Variants in NTN1 observed in about 807,000 individuals in gnomAD.
NTN1 encodes netrin 1, also known as netrin-1.
A neutral mutation model predicts 54.2 loss-of-function variants in NTN1; 11 were observed. The observed-to-expected ratio is 0.20, with a 90% CI of 0.13 to 0.34. The LOEUF is 0.34. NTN1 is among the 10% of genes least tolerant of loss of function. The pLI is 1.00. For missense variants in NTN1, 740 were observed against 893.1 expected, an observed-to-expected ratio of 0.83 and a Z score of 2.18; for synonymous variants, 371 against 382.0, an observed-to-expected ratio of 0.97 and a Z score of 0.33.
chr17:9,183,302 C>T, intron 5 of NTN1: 1 of 572,580 alleles, frequency 1.7e-6, no homozygotes, highest in Non-Finnish European at 3.4e-6. Context: ...CTTCCTGGGG[C>T]TGCAGAGAAG....
Position 9,221,232 on chromosome 17 carries a change from G to C in NTN1, c.1476G>C (p.Lys492Asn). ...AGATTAACATGAAAAAGTACTGCAA[G>C]AAGGACTATGGTGAGTGAGAGTCCC... ...KLKINMKKYCKKDYAVQIHIL... is the reference protein window; with the variant it reads ...KLKINMKKYCNKDYAVQIHIL... The change falls in exon 6 of 7, where the codon AAG becomes AAC. Residue 492 changes from lysine (K) to asparagine (N), a missense_variant. Transcript: ENST00000173229. This position sits in a 1 kb window ranked among gnomAD's most constrained non-coding sequence, Gnocchi z 4.5. 6.2e-7 allele frequency: 1 copy of C among 1,609,866 alleles called. No homozygotes were observed. The highest frequency in any genetic ancestry group is 8.5e-7 in the Non-Finnish European group (1 of 1,178,692).
chr17:9,011,959 G>A, the NTN1 span, among the ~76,000 whole-genome samples: 5 of 152,122 alleles, frequency 3.3e-5, no homozygotes, highest in African/African-American at 1.2e-4. Flanking sequence ...GTGGTCTTTA[G>A]TCAATTAATT....
chr17:9,135,142 C>T lies in NTN1; in HGVS notation c.1019-27671C>T, dbSNP rs2092277178. Among the ~76,000 whole-genome samples the T allele has an allele frequency of 6.6e-6, 1 of 152,138 alleles. No individual in the cohort carries two copies. Among genetic ancestry groups the T allele is most frequent in the Non-Finnish European group, 1.5e-5 (1 of 68,028 alleles). On this transcript the variant is annotated intron_variant, in intron 2 of 6. Coordinates refer to ENST00000173229, the MANE Select transcript of NTN1 (RefSeq NM_004822.3). The surrounding 1 kb of genome is among the most constrained non-coding windows in gnomAD (Gnocchi z 4.4). ...TCCCCCAGCCCCTGATGCTCCCGGC[C>T]CATCCTCCCTTCTCTACCCCATTCC...
chr17:9,202,920 T>C (rs1356443609), intron 5 of NTN1, among the ~76,000 whole-genome samples: 1 of 152,082 alleles, frequency 6.6e-6, no homozygotes, highest in Non-Finnish European at 1.5e-5. Flanking sequence ...TTTTCTTATT[T>C]TTTTATTTTT....
At chr17:9,234,076 T>G (rs1905900198) in intron 6 of NTN1, among the ~76,000 whole-genome samples, 1 of 152,192 alleles carries the variant, frequency 6.6e-6, no homozygotes, top group African/African-American at 2.4e-5. Flanking sequence ...AGCCCCTTTC[T>G]TGCCTCCTCG....
At chr17:9,132,726 T>C (rs981558223) in intron 2 of NTN1, among the ~76,000 whole-genome samples, 3 of 151,986 alleles carry the variant, frequency 2.0e-5, no homozygotes, top group Non-Finnish European at 1.5e-5. Flanking sequence ...AACACAAAAT[T>C]AGCCAGGTGC....
chr17:9,112,490 C>T (rs1001284506), intron 2 of NTN1, among the ~76,000 whole-genome samples: 1 of 152,052 alleles, frequency 6.6e-6, no homozygotes, highest in East Asian at 1.9e-4. Flanking sequence ...GTTGTCTGCT[C>T]GGTGCCACGA....
intron 5 of NTN1, among the ~76,000 whole-genome samples, chr17:9,220,567 G>A (rs2142355416): frequency 6.6e-6 from 1 of 152,262 alleles, no homozygotes; most frequent in Non-Finnish European, 1.5e-5. Flanking sequence ...ATACCCAGTG[G>A]ACGCAGGCCT....
At chr17:9,076,259 C>T (rs2092049173) in intron 2 of NTN1, among the ~76,000 whole-genome samples, 1 of 152,214 alleles carries the variant, frequency 6.6e-6, no homozygotes. Flanking sequence ...GTCCTCCATC[C>T]TCCATCCACA....
intron 2 of NTN1, among the ~76,000 whole-genome samples, chr17:9,039,944 G>A (rs1274715186): frequency 2.6e-5 from 4 of 152,184 alleles, no homozygotes; most frequent in Admixed American, 2.6e-4. Context: ...AAGCAGCTAT[G>A]AACATTCTTT....
intron 2 of NTN1, among the ~76,000 whole-genome samples, chr17:9,028,098 C>T (rs1000379498): frequency 2.6e-5 from 4 of 152,026 alleles, no homozygotes; most frequent in Non-Finnish European, 5.9e-5. Context: ...GTACTCCAGC[C>T]CTAGTGACAG....
At chr17:9,193,920 TA>T (rs71361871) in intron 5 of NTN1, among the ~76,000 whole-genome samples, 22 of 44,900 alleles carry the variant, frequency 4.9e-4, no homozygotes, top group East Asian at 5.8e-4. Flanking sequence ...AAACTCCGAC[TA>T]AAAAAAAAAA....
rs1906122739 is a variant in NTN1, at chr17:9,239,785, C to T, written c.1632C>T (p.Cys544=). 3 of 1,613,786 alleles carry T rather than the reference C, an allele frequency of 1.9e-6. No individual in the cohort carries two copies. In the African/African-American group the frequency reaches 4.0e-5, roughly 22 times the overall value. ...GGATCCGCTCGCGGGACATCGCCTG[C>T]AAGTGTCCCAAAATCAAGCCCCTCA... ...SLWIRSRDIA[C]KCPKIKPLKK... is the part of the protein sequence containing the mutation. Residue 544 remains cysteine, a synonymous_variant, in exon 7 of 7, where the codon TGC becomes TGT. Transcript: ENST00000173229. The surrounding 1 kb of genome is among the most constrained non-coding windows in gnomAD (Gnocchi z 5.2).
chr17:9,153,432 G>A (rs1204969302), intron 2 of NTN1, among the ~76,000 whole-genome samples: 1 of 152,178 alleles, frequency 6.6e-6, no homozygotes, highest in Admixed American at 6.5e-5. Flanking sequence ...CTGGGCAACA[G>A]AACAAGACTC....
chr17:9,192,153 A>G (rs2142328638), intron 5 of NTN1, among the ~76,000 whole-genome samples: 1 of 152,292 alleles, frequency 6.6e-6, no homozygotes, highest in South Asian at 2.1e-4. Context: ...GGTATCCATG[A>G]CCCCATCAGT....
rs1374140134 is a variant in NTN1 at position 9,100,367 on chromosome 17, G to A, written c.1019-62446G>A. Among the ~76,000 whole-genome samples the A allele has an allele frequency of 2.6e-5, 4 of 152,008 alleles. No homozygotes were observed. The East Asian group carries it at 5.8e-4, about 22-fold the overall frequency. ...GGCTGGAGTGCAGTGGCACGATCTC[G>A]GCTCACTCCAAGCTCCACCTCCCAG... On this transcript the variant is annotated intron_variant, in intron 2 of 6. Coordinates refer to ENST00000173229, the MANE Select transcript of NTN1 (RefSeq NM_004822.3).
chr17:9,193,179 T>C (rs1187657514), intron 5 of NTN1, among the ~76,000 whole-genome samples: 1 of 152,110 alleles, frequency 6.6e-6, no homozygotes, highest in Non-Finnish European at 1.5e-5. Context: ...TTTATGTGCC[T>C]GGTCATTTTT....
At chr17:9,042,499 A>T (rs1036636315) in intron 2 of NTN1, among the ~76,000 whole-genome samples, 1 of 21,670 alleles carries the variant, frequency 4.6e-5, no homozygotes, top group Admixed American at 7.8e-4. Context: ...AAAAAAAAAA[A>T]AACTGTGAGG....
At chr17:9,070,049 T>A (rs2142214521) in intron 2 of NTN1, among the ~76,000 whole-genome samples, 1 of 152,302 alleles carries the variant, frequency 6.6e-6, no homozygotes, top group South Asian at 2.1e-4. Flanking sequence ...ACCCGCCTTC[T>A]TCTTCGTAGG....
Sources: gnomAD v4.1 joint callset for allele counts (sites outside exome capture counted in the v4.1 genomes callset) on GRCh38, gnomAD v4.1.1 for gene constraint, Gnocchi (gnomAD v3.1) non-coding constraint, MANE v1.5 for transcripts, NCBI Gene and HGNC (gene_info 2026-07-23, HGNC 2026-07-21) for gene names.